The following CCBE1 variants were observed in gnomAD, a reference collection of about 807,000 sequenced individuals.
CCBE1 encodes collagen and calcium-binding EGF domain-containing protein 1.
CCBE1 carries 37 observed loss-of-function variants against 50.0 expected under a neutral mutation model. That is an observed-to-expected ratio of 0.74 (90% CI 0.57 to 0.97). CCBE1 has a LOEUF of 0.97. Among genes scored for constraint, CCBE1 ranks in the 50% least tolerant of loss-of-function variants. CCBE1 has a pLI of 0.00. For synonymous variants in CCBE1, 234 were observed against 203.7 expected, an observed-to-expected ratio of 1.15 and a Z score of -1.27; for missense variants, 538 against 523.8, an observed-to-expected ratio of 1.03 and a Z score of -0.26.
chr18:59,601,539 C>T (rs944812712), intron 2 of CCBE1, among the ~76,000 whole-genome samples: 3 of 152,100 alleles, frequency 2.0e-5, no homozygotes, highest in Non-Finnish European at 4.4e-5. Context: ...ATAAATTACC[C>T]ACTCTCATGT....
intron 10 of CCBE1, among the ~76,000 whole-genome samples, chr18:59,437,689 C>T (rs987734504): frequency 6.4e-5 from 8 of 125,758 alleles, no homozygotes; most frequent in Admixed American, 1.6e-4. Flanking sequence ...CGTGGTTTTG[C>T]ACTTTTTAAG....
intron 1 of CCBE1, 126 bp downstream of exon 1, chr18:59,697,086 A>T (rs2144763159): frequency 1.5e-6 from 2 of 1,304,626 alleles, no homozygotes; most frequent in Middle Eastern, 5.2e-4. Context: ...CACTCTCCTT[A>T]TCCCCGGAGA....
rs1432913897 is a variant in CCBE1, at chr18:59,508,133, C to T, written c.213-27895G>A. Among the ~76,000 whole-genome samples the T allele has an allele frequency of 2.0e-5, 3 of 151,574 alleles. No individual in the cohort carries two copies. The East Asian group carries it at 5.9e-4, about 30-fold the overall frequency. On this transcript the variant is annotated intron_variant, in intron 2 of 10. Transcript: ENST00000439986. ...ATCTCAATCTCTGGACCTCATGATCCGCCCGCCTCGGCCTCCCAAAGTGCT... is the reference window on the plus strand; with the variant it reads ...ATCTCAATCTCTGGACCTCATGATCTGCCCGCCTCGGCCTCCCAAAGTGCT...
intron 2 of CCBE1, among the ~76,000 whole-genome samples, chr18:59,513,641 T>C (rs1914234605): frequency 6.6e-6 from 1 of 152,180 alleles, no homozygotes; most frequent in South Asian, 2.1e-4. Flanking sequence ...AGATAGCCCA[T>C]GAATCTCGAG....
At chr18:59,531,744 A>C (rs1314311110) in intron 2 of CCBE1, among the ~76,000 whole-genome samples, 2 of 152,166 alleles carry the variant, frequency 1.3e-5, no homozygotes, top group Non-Finnish European at 2.9e-5. Context: ...CCTGTCTCAA[A>C]AACAAAACAT....
At chr18:59,476,942 C>T (rs1255448055) in intron 3 of CCBE1, among the ~76,000 whole-genome samples, 1 of 152,188 alleles carries the variant, frequency 6.6e-6, no homozygotes, top group Admixed American at 6.5e-5. Context: ...CACTGTTATC[C>T]CTACTGATCC....
chr18:59,646,823 C>T (rs1386412181), intron 2 of CCBE1, among the ~76,000 whole-genome samples: 1 of 152,184 alleles, frequency 6.6e-6, no homozygotes, highest in Non-Finnish European at 1.5e-5. Context: ...AACCATCAGC[C>T]AAACTGAATG....
In CCBE1 at chr18:59,436,828, C is replaced by T. The variant is rs531463188; in HGVS notation, c.988-687G>A. ...TACAAAAATTTAACAAAAATTTAGC[C>T]AGGTGTGGTGGTGGGCACCTGTGGA... is the stretch of plus-strand genomic sequence containing the variant. On this transcript the variant is annotated intron_variant, in intron 10 of 10. Transcript: ENST00000439986. 1.3e-3 allele frequency among the ~76,000 whole-genome samples: 197 copies of T among 152,068 alleles called. 2 individuals are homozygous for T. The highest frequency in any genetic ancestry group is 4.3e-3 in the African/African-American group (177 of 41,494).
At chr18:59,674,230 G>A (rs999986545) in intron 2 of CCBE1, among the ~76,000 whole-genome samples, 11 of 152,176 alleles carry the variant, frequency 7.2e-5, no homozygotes, top group African/African-American at 2.2e-4. Flanking sequence ...CAACCCAAAT[G>A]CCCATCAATG....
intron 7 of CCBE1, among the ~76,000 whole-genome samples, chr18:59,444,930 T>C (rs1386894453): frequency 6.6e-6 from 1 of 152,232 alleles, no homozygotes; most frequent in Non-Finnish European, 1.5e-5. Flanking sequence ...AGTTCTTATA[T>C]ATCCTAGATA....
intron 2 of CCBE1, among the ~76,000 whole-genome samples, chr18:59,595,483 G>C (rs2053337822): frequency 6.6e-6 from 1 of 152,142 alleles, no homozygotes; most frequent in Admixed American, 6.5e-5. Flanking sequence ...AAACTGCTTG[G>C]TACTGAGACT....
intron 2 of CCBE1, among the ~76,000 whole-genome samples, chr18:59,516,288 T>C (rs1914369907): frequency 6.6e-6 from 1 of 151,980 alleles, no homozygotes; most frequent in South Asian, 2.1e-4. Flanking sequence ...TCCTTATACA[T>C]AGATACCATG....
intron 2 of CCBE1, among the ~76,000 whole-genome samples, chr18:59,644,905 T>G (rs999753834): frequency 3.9e-5 from 6 of 152,220 alleles, no homozygotes; most frequent in African/African-American, 1.2e-4. Context: ...AGAGATTATC[T>G]CAAATTCTTT....
At chr18:59,527,873 G>A (rs1288677419) in intron 2 of CCBE1, among the ~76,000 whole-genome samples, 3 of 152,168 alleles carry the variant, frequency 2.0e-5, no homozygotes, top group African/African-American at 4.8e-5. Flanking sequence ...GGCTTCTCCT[G>A]TAGGTGACCT....
intron 2 of CCBE1, among the ~76,000 whole-genome samples, chr18:59,536,716 G>A (rs997762812): frequency 4.6e-5 from 7 of 152,102 alleles, no homozygotes; most frequent in Admixed American, 2.0e-4. Context: ...TTGGCTGGGC[G>A]CAATGGCTGA....
intron 2 of CCBE1, among the ~76,000 whole-genome samples, chr18:59,648,779 A>T (rs2054089409): frequency 6.6e-6 from 1 of 152,196 alleles, no homozygotes; most frequent in South Asian, 2.1e-4. Flanking sequence ...TCAGCTAGTG[A>T]TGGGTGCAGC....
At chr18:59,525,655 A>G (rs546448794) in intron 2 of CCBE1, among the ~76,000 whole-genome samples, 1 of 152,192 alleles carries the variant, frequency 6.6e-6, no homozygotes, top group Non-Finnish European at 1.5e-5. Context: ...TTTTGTCATG[A>G]AATATTTTCC....
intron 2 of CCBE1, among the ~76,000 whole-genome samples, chr18:59,646,986 C>T (rs2054063188): frequency 1.3e-5 from 2 of 152,214 alleles, no homozygotes; most frequent in Admixed American, 1.3e-4. Flanking sequence ...GCAACAGGCT[C>T]TGATCTTTCC....
At position 59,697,260 on chromosome 18, in the gene CCBE1, G is replaced by A. The variant is rs776814391; in HGVS notation, c.83C>T (p.Ala28Val). 52 of 1,549,166 alleles carry A rather than the reference G, an allele frequency of 3.4e-5. No individual in the cohort carries two copies. In the East Asian group the frequency reaches 1.2e-3, roughly 37 times the overall value. ...RSLGPLLLLL[A>V]LGHTWTYREE... ...TCTGTAGGTCCACGTGTGTCCCAAC[G>A]CCAGGAGCAGCAGCAGCGGACCCAG... The change falls in exon 1 of 11, where the codon GCG becomes GTG. Residue 28 changes from alanine (A) to valine (V), a missense_variant. Physicochemically the swap from Ala to Val is moderately conservative, Grantham distance 64 (BLOSUM62 0). Transcript: ENST00000439986.
Sources: gnomAD v4.1 joint callset for allele counts (sites outside exome capture counted in the v4.1 genomes callset) on GRCh38, gnomAD v4.1.1 for gene constraint, MANE v1.5 for transcripts, NCBI Gene and HGNC (gene_info 2026-07-23, HGNC 2026-07-21) for gene names.